The following CTXN2 variants were observed in gnomAD, a reference collection of about 807,000 sequenced individuals.
The protein encoded by CTXN2 is cortexin 2.
In CTXN2, 3 loss-of-function variants were observed where a neutral mutation model predicts 5.7. The ratio of observed to expected loss-of-function variants is 0.53; its 90% CI spans 0.24 to 1.36. The LOEUF (loss-of-function observed/expected upper bound fraction) is 1.36. Ranked by LOEUF, CTXN2 falls within the 40% of genes most tolerant of loss-of-function variation. The pLI, the probability that CTXN2 is intolerant of heterozygous loss-of-function variation, is 0.17. For synonymous variants in CTXN2, 38 were observed against 36.4 expected, an observed-to-expected ratio of 1.04 and a Z score of -0.16; for missense variants, 87 against 93.0, an observed-to-expected ratio of 0.94 and a Z score of 0.26.
intron 1 of CTXN2, among the ~76,000 whole-genome samples, chr15:48,192,790 CAA>C (rs767023424): frequency 2.0e-5 from 3 of 152,030 alleles, no homozygotes; most frequent in Non-Finnish European, 2.9e-5. Context: ...GAGAAATAAA[CAA>C]GAGGAAAAAC....
At chr15:48,190,295 T>C (rs2040802885), upstream of CTXN2, 3 of 152,194 alleles carry the variant, frequency 2.0e-5, no homozygotes, top group Admixed American at 1.3e-4. Context: ...AGAGTGCTAA[T>C]AAAGAATGTG....
intron 1 of CTXN2, among the ~76,000 whole-genome samples, chr15:48,181,275 A>G (rs1209556222): frequency 6.6e-6 from 1 of 152,220 alleles, no homozygotes; most frequent in East Asian, 1.9e-4. Context: ...CTGCTACCTT[A>G]ATCTTTCGCC....
At chr15:48,178,782 T>C (rs1314004540) in intron 1 of CTXN2, 1 of 152,230 alleles carries the variant, frequency 6.6e-6, no homozygotes, top group African/African-American at 2.4e-5. Context: ...CCTTCGGACA[T>C]TCCATAAATA....
upstream of CTXN2, among the ~76,000 whole-genome samples, chr15:48,188,373 A>G (rs2040779640): frequency 1.3e-5 from 2 of 152,154 alleles, no homozygotes; most frequent in South Asian, 4.1e-4. Flanking sequence ...AACAGAACAT[A>G]CCACTTTACC....
chr15:48,200,808 T>G (rs1948355750), intron 1 of CTXN2, among the ~76,000 whole-genome samples: 1 of 152,160 alleles, frequency 6.6e-6, no homozygotes, highest in South Asian at 2.1e-4. Context: ...AAAATGGCAC[T>G]GGAAATAGAC....
intron 1 of CTXN2, among the ~76,000 whole-genome samples, chr15:48,182,908 A>C (rs1226513527): frequency 6.6e-6 from 1 of 152,188 alleles, no homozygotes; most frequent in Non-Finnish European, 1.5e-5. Context: ...CTGTAACAAC[A>C]AGATAAGTCT....
chr15:48,178,546 G>A, intron 1 of CTXN2: 1 of 318,664 alleles, frequency 3.1e-6, no homozygotes. Flanking sequence ...TGCCATGTCT[G>A]CCCACCAGCC....
At chr15:48,189,627 A>G (rs1327502677), upstream of CTXN2, 1 of 152,256 alleles carries the variant, frequency 6.6e-6, no homozygotes, top group Non-Finnish European at 1.5e-5. Context: ...AAAATTGTTC[A>G]TACTGTACAG....
chr15:48,200,312 T>C (rs2040917747), intron 1 of CTXN2, among the ~76,000 whole-genome samples: 1 of 152,196 alleles, frequency 6.6e-6, no homozygotes. Context: ...TTTATCTTTA[T>C]TTGTAATTAA....
Position 48,202,185 on chromosome 15 carries a change from A to G in CTXN2, c.*639A>G, listed in dbSNP as rs2140992497. ...TTGGAATCCAAACCAGATCTGCCTC[A>G]TACTGATGCTCCCTCCCCTACCCCT... On this transcript the variant is annotated 3_prime_UTR_variant, in exon 2 of 2. Transcript: ENST00000417307. 6.0e-6 allele frequency: 1 copy of G among 167,974 alleles called. No homozygotes were observed. The highest frequency in any genetic ancestry group is 2.1e-4 in the South Asian group (1 of 4,844). The allele number at this position is 167,974 out of a possible 1,614,324, so 10.4% of individuals were successfully genotyped here.
intron 1 of CTXN2, among the ~76,000 whole-genome samples, chr15:48,179,564 A>T (rs918085197): frequency 2.6e-5 from 4 of 152,234 alleles, no homozygotes; most frequent in African/African-American, 9.6e-5. Flanking sequence ...CAATTGTGAC[A>T]GACAAAATCT....
Position 48,201,372 on chromosome 15 carries a change from T to C in CTXN2, c.72T>C (p.Thr24=). 1.3e-6 allele frequency: 2 copies of C among 1,551,386 alleles called. No homozygotes were observed. Among genetic ancestry groups the C allele is most frequent in the Non-Finnish European group, 1.7e-6 (2 of 1,146,736 alleles). ...SVNEVSAFSL[T]LEQKTGFAFV... ...ACGAAGTATCAGCTTTCTCATTGAC[T>C]CTGGAGCAAAAAACTGGCTTTGCTT... Residue 24 remains threonine, a synonymous_variant, in exon 2 of 2, where the codon ACT becomes ACC. Transcript: ENST00000417307.
intron 1 of CTXN2, among the ~76,000 whole-genome samples, chr15:48,199,534 T>A (rs1349683875): frequency 6.6e-6 from 1 of 152,192 alleles, no homozygotes; most frequent in African/African-American, 2.4e-5. Context: ...TAGAGAAACA[T>A]CCTGCTATTC....
In CTXN2 at chr15:48,201,701, A is replaced by T; in HGVS notation, c.*155A>T. 1.3e-6 allele frequency: 1 copy of T among 766,630 alleles called. No individual in the cohort carries two copies. Among genetic ancestry groups the T allele is most frequent in the Non-Finnish European group, 2.1e-6 (1 of 474,852 alleles). The allele number at this position is 766,630 out of a possible 1,614,324, so 47.5% of individuals were successfully genotyped here. ...TCTTCACCATGCTGTGTAAATGATA[A>T]ACTATTGTTGGGATTCCTCACTTTC... On this transcript the variant is annotated 3_prime_UTR_variant, in exon 2 of 2. Transcript: ENST00000417307.
At chr15:48,182,125 C>T (rs1253132128) in intron 1 of CTXN2, among the ~76,000 whole-genome samples, 1 of 152,144 alleles carries the variant, frequency 6.6e-6, no homozygotes, top group Non-Finnish European at 1.5e-5. Flanking sequence ...CTCTCTCTCC[C>T]TCCGTATCTC....
intron 1 of CTXN2, among the ~76,000 whole-genome samples, chr15:48,195,728 C>T (rs2040872257): frequency 6.6e-6 from 1 of 152,132 alleles, no homozygotes; most frequent in African/African-American, 2.4e-5. Flanking sequence ...ACTTGTTTAT[C>T]CTTTTTGGAT....
chr15:48,190,813 A>G (rs118032835), upstream of CTXN2: 1 of 152,364 alleles, frequency 6.6e-6, no homozygotes, highest in Non-Finnish European at 1.5e-5. Flanking sequence ...TAAAATAAGG[A>G]TAAAGAGCAA....
upstream of CTXN2, among the ~76,000 whole-genome samples, chr15:48,187,790 T>C (rs540183985): frequency 6.6e-6 from 1 of 152,226 alleles, no homozygotes; most frequent in African/African-American, 2.4e-5. Context: ...TCTAACAAGG[T>C]GGACAATTAA....
chr15:48,179,590 C>G (rs1262530550), intron 1 of CTXN2, among the ~76,000 whole-genome samples: 2 of 152,190 alleles, frequency 1.3e-5, no homozygotes, highest in African/African-American at 4.8e-5. Context: ...AGAACCCCAG[C>G]TCTGCCTCTT....
Sources: gnomAD v4.1 joint callset for allele counts (sites outside exome capture counted in the v4.1 genomes callset) on GRCh38, gnomAD v4.1.1 for gene constraint, MANE v1.5 for transcripts, NCBI Gene and HGNC (gene_info 2026-07-23, HGNC 2026-07-21) for gene names.